The following PLPP1 variants were observed in gnomAD, a reference collection of about 807,000 sequenced individuals.
PLPP1 encodes the protein lipid phosphate phosphohydrolase 1a.
In PLPP1, 24 loss-of-function variants were observed where a neutral mutation model predicts 31.2. That is an observed-to-expected ratio of 0.77 (90% CI 0.56 to 1.08). The LOEUF (loss-of-function observed/expected upper bound fraction) is 1.08. Among genes scored for constraint, PLPP1 ranks in the 50% least tolerant of loss-of-function variants. The pLI is 0.00. For missense variants in PLPP1, 319 were observed against 342.7 expected (o/e 0.93, Z 0.55); for synonymous variants, 146 against 126.3 (o/e 1.16, Z -1.05).
chr5:55,433,994 G>A (rs572200641), intron 4 of PLPP1, among the ~76,000 whole-genome samples: 7 of 151,706 alleles, frequency 4.6e-5, no homozygotes, highest in Non-Finnish European at 8.8e-5. Flanking sequence ...AGAATTAGCC[G>A]GGTGCATGCC....
At chr5:55,443,878 A>G (rs1751691191) in intron 3 of PLPP1, among the ~76,000 whole-genome samples, 1 of 152,058 alleles carries the variant, frequency 6.6e-6, no homozygotes, top group Non-Finnish European at 1.5e-5. Flanking sequence ...AACAGATCAT[A>G]ATATGGTCTT....
At chr5:55,484,016 GT>G (rs1752725065) in intron 1 of PLPP1, among the ~76,000 whole-genome samples, 1 of 152,146 alleles carries the variant, frequency 6.6e-6, no homozygotes, top group African/African-American at 2.4e-5. Context: ...AGGCTCTTTA[GT>G]TGACTAAACA....
chr5:55,446,260 C>G (rs1009182105), intron 3 of PLPP1, among the ~76,000 whole-genome samples: 29 of 152,084 alleles, frequency 1.9e-4, no homozygotes, highest in African/African-American at 7.0e-4. Flanking sequence ...GATCTCTTAC[C>G]CTTTCTTCTC....
chr5:55,443,005 A>T lies in PLPP1; in HGVS notation c.492-1097T>A, dbSNP rs1470685396. On this transcript the variant is annotated intron_variant, in intron 3 of 5. Transcript: ENST00000307259. ...ACGTAAGAATAAGAACAAAAACAAG[A>T]GGGACCGGCTCTTAAGTAATTTACT... Among the ~76,000 whole-genome samples, 5 of 151,504 alleles carry T rather than the reference A, an allele frequency of 3.3e-5. No homozygotes were observed. In the South Asian group the frequency reaches 1.0e-3, roughly 32 times the overall value.
intron 1 of PLPP1, among the ~76,000 whole-genome samples, chr5:55,494,685 TC>T (rs1470717242): frequency 2.0e-5 from 3 of 152,204 alleles, no homozygotes; most frequent in Non-Finnish European, 4.4e-5. Flanking sequence ...AGCCAGGTAC[TC>T]CCTTCTTATC....
chr5:55,507,858 CT>C (rs5867988), intron 1 of PLPP1, among the ~76,000 whole-genome samples: 109,247 of 133,260 alleles, frequency 0.82, 44,439 homozygotes, highest in South Asian at 0.89. Context: ...TCACTGAAAA[CT>C]TTTTTTTTTT....
intron 1 of PLPP1, among the ~76,000 whole-genome samples, chr5:55,495,046 G>T: frequency 6.6e-6 from 1 of 150,568 alleles, no homozygotes; most frequent in East Asian, 1.9e-4. Flanking sequence ...CAGTAGAATC[G>T]CTTGAACCCG....
intron 4 of PLPP1, among the ~76,000 whole-genome samples, chr5:55,426,589 T>G (rs575965726): frequency 3.8e-3 from 530 of 138,262 alleles, no homozygotes; most frequent in African/African-American, 0.014. Flanking sequence ...TTTTTTTTTA[T>G]AGAGATGGGG....
At chr5:55,526,757 CCT>C (rs1561258711) in intron 1 of PLPP1, among the ~76,000 whole-genome samples, 2 of 151,710 alleles carry the variant, frequency 1.3e-5, no homozygotes, top group Non-Finnish European at 1.5e-5. Flanking sequence ...ACGGTGAAAC[CCT>C]GTCTCTACTA....
intron 1 of PLPP1, among the ~76,000 whole-genome samples, chr5:55,480,290 T>C (rs1234463406): frequency 1.3e-5 from 2 of 152,186 alleles, no homozygotes; most frequent in East Asian, 3.8e-4. Flanking sequence ...TTTTTTTAAA[T>C]TGAGGTATAA....
At chr5:55,534,063 T>C (rs1490012836) in intron 1 of PLPP1, among the ~76,000 whole-genome samples, 1 of 152,150 alleles carries the variant, frequency 6.6e-6, no homozygotes, top group Non-Finnish European at 1.5e-5. Flanking sequence ...TCATCCCTAC[T>C]TGCAACCTGA....
At position 55,534,717 on chromosome 5, in the gene PLPP1, C is replaced by A. The variant is rs940862075; in HGVS notation, c.-88G>T. 65 of 1,367,472 alleles carry A rather than the reference C, an allele frequency of 4.8e-5. No homozygotes were observed. The highest frequency in any genetic ancestry group is 5.9e-5 in the Non-Finnish European group (60 of 1,013,928). The allele number at this position is 1,367,472 out of a possible 1,614,324, so 84.7% of individuals were successfully genotyped here. ...CTTGATTCTCGAGCCCGGGCCGGGGCTGGCGACGGCCCCGAGCTACGGCCC... is the reference window on the plus strand; with the variant it reads ...CTTGATTCTCGAGCCCGGGCCGGGGATGGCGACGGCCCCGAGCTACGGCCC... On this transcript the variant is annotated 5_prime_UTR_variant, in exon 1 of 6. Coordinates refer to ENST00000307259, the MANE Select transcript of PLPP1 (RefSeq NM_003711.4).
At chr5:55,499,915 T>C in intron 1 of PLPP1, among the ~76,000 whole-genome samples, 1 of 151,886 alleles carries the variant, frequency 6.6e-6, no homozygotes, top group South Asian at 2.1e-4. Flanking sequence ...ACATATATAT[T>C]TATATCTCAG....
intron 3 of PLPP1, among the ~76,000 whole-genome samples, chr5:55,461,148 T>A (rs1338573870): frequency 1.3e-5 from 2 of 152,068 alleles, no homozygotes; most frequent in African/African-American, 4.8e-5. Context: ...TGAGCCAAGA[T>A]CACGCCACTG....
chr5:55,487,926 C>CA (rs1258006547), intron 1 of PLPP1, among the ~76,000 whole-genome samples: 10 of 151,524 alleles, frequency 6.6e-5, no homozygotes, highest in Non-Finnish European at 4.4e-5. Context: ...GTCAGGGTTC[C>CA]AGAACAGCCT....
chr5:55,471,447 G>A (rs1561235923), intron 2 of PLPP1, among the ~76,000 whole-genome samples: 2 of 152,068 alleles, frequency 1.3e-5, no homozygotes, highest in Admixed American at 1.3e-4. Context: ...TGATCCACCC[G>A]CCTTGGCCTC....
Position 55,425,125 on chromosome 5 carries a change from A to C in PLPP1, c.*81T>G. The C allele has an allele frequency of 3.3e-6, 5 of 1,502,122 alleles. No individual in the cohort carries two copies. Among genetic ancestry groups the C allele is most frequent in the Non-Finnish European group, 4.5e-6 (5 of 1,112,948 alleles). 93.0% of individuals were successfully genotyped at this position (1,502,122 alleles called of 1,614,324 possible). ...GTCTTTAAAGGCTTGTACACCAGGAAGAAAGATGCATCCTCTTGCCTTGTG... is the reference window on the plus strand; with the variant it reads ...GTCTTTAAAGGCTTGTACACCAGGACGAAAGATGCATCCTCTTGCCTTGTG... On this transcript the variant is annotated 3_prime_UTR_variant, in exon 6 of 6. Coordinates refer to ENST00000307259, the MANE Select transcript of PLPP1 (RefSeq NM_003711.4).
At chr5:55,502,289 C>T (rs1016790881) in intron 1 of PLPP1, among the ~76,000 whole-genome samples, 3 of 152,166 alleles carry the variant, frequency 2.0e-5, no homozygotes, top group Non-Finnish European at 4.4e-5. Context: ...GAGATCAAGG[C>T]CATCCTGGCC....
At chr5:55,530,818 A>T in intron 1 of PLPP1, 1 of 1,342,132 alleles carries the variant, frequency 7.5e-7, no homozygotes. Flanking sequence ...GGGCGTTTTG[A>T]GCACCTCCTG....
Sources: allele counts gnomAD v4.1 joint callset (sites outside exome capture counted in the v4.1 genomes callset), GRCh38; gene constraint gnomAD v4.1.1; transcripts MANE v1.5; gene names NCBI Gene and HGNC (gene_info 2026-07-23, HGNC 2026-07-21).